Variants in KMT2C observed in about 807,000 individuals in gnomAD.
KMT2C encodes the protein lysine methyltransferase 2C, also known as histone-lysine N-methyltransferase 2C.
KMT2C carries 88 observed loss-of-function variants against 507.9 expected under a neutral mutation model. That is an observed-to-expected ratio of 0.17 (90% CI 0.15 to 0.21). KMT2C has a LOEUF of 0.21. KMT2C is among the 10% of genes least tolerant of loss of function. The pLI, the probability that KMT2C is intolerant of heterozygous loss-of-function variation, is 1.00. For synonymous variants in KMT2C, 2,049 were observed against 2,080.8 expected, an observed-to-expected ratio of 0.98 and a Z score of 0.42; for missense variants, 4,954 against 5,957.8, an observed-to-expected ratio of 0.83 and a Z score of 5.55.
rs1471294132 is a variant in KMT2C at position 152,361,455 on chromosome 7, C to T, written c.162-2780G>A. On this transcript the variant is annotated intron_variant, in intron 1 of 58. Transcript: ENST00000262189. ...GTGGGCGCCTGTAGTCCCAGCTACT[C>T]GGGAGGCTGAGGCAGGAGAATGGCG... is the stretch of plus-strand genomic sequence containing the variant. 2.0e-5 allele frequency among the ~76,000 whole-genome samples: 3 copies of T among 151,662 alleles called. 1 individual carries two copies. The highest frequency in any genetic ancestry group is 7.3e-5 in the African/African-American group (3 of 41,262).
rs2129119493 is a variant in KMT2C, at chr7:152,180,998, T to C, written c.6862A>G (p.Ser2288Gly). The C allele has an allele frequency of 6.2e-7, 1 of 1,614,156 alleles. No homozygotes were observed. Among genetic ancestry groups the C allele is most frequent in the South Asian group, 1.1e-5 (1 of 91,080 alleles). ...CGGGCAGCAGATGGGGAAACACGGC[T>C]AAATGTGTCTGAAAGACCAGGTCCA... ...PPGPGLSDTF[S>G]RVSPSAARDP... is the part of the protein sequence containing the mutation. Residue 2288 changes from serine (S) to glycine (G), a missense_variant, in exon 36 of 59, where the codon AGC (serine) becomes GGC (glycine). By Grantham distance (56) the Ser-to-Gly change is moderately conservative. Transcript: ENST00000262189.
chr7:152,353,107 G>C (rs1233581058), intron 2 of KMT2C, among the ~76,000 whole-genome samples: 1 of 152,144 alleles, frequency 6.6e-6, no homozygotes, highest in Non-Finnish European at 1.5e-5. Flanking sequence ...GCAGAGACTG[G>C]TAACAGCCAC....
At chr7:152,363,405 T>C (rs1215069440) in intron 1 of KMT2C, among the ~76,000 whole-genome samples, 1 of 152,216 alleles carries the variant, frequency 6.6e-6, no homozygotes, top group Admixed American at 6.5e-5. Context: ...TCTCAGAATC[T>C]GAAACCAACT....
rs550644722 is a variant in KMT2C at position 152,287,419 on chromosome 7, C to T, written c.850-13552G>A. On this transcript the variant is annotated intron_variant, in intron 6 of 58. Coordinates refer to ENST00000262189, the MANE Select transcript of KMT2C (RefSeq NM_170606.3). Reference sequence around the variant, plus strand: ...GTGTACGTCTCCATCAATGAGTCAACAAAGGCCTACTAAGGAACTGGAATC... The same window carrying T: ...GTGTACGTCTCCATCAATGAGTCAATAAAGGCCTACTAAGGAACTGGAATC... Among the ~76,000 whole-genome samples, 230 of 152,296 alleles carry T rather than the reference C, an allele frequency of 1.5e-3. 2 individuals carry two copies. The highest frequency in any genetic ancestry group is 2.6e-3 in the Admixed American group (40 of 15,294).
At chr7:152,294,606 T>C (rs1472514756) in intron 6 of KMT2C, among the ~76,000 whole-genome samples, 6 of 150,842 alleles carry the variant, frequency 4.0e-5, no homozygotes, top group African/African-American at 1.2e-4. Flanking sequence ...CACTCCAGCA[T>C]GAGCAACACA....
chr7:152,325,200 G>A (rs1589198114), intron 3 of KMT2C, among the ~76,000 whole-genome samples: 1 of 151,818 alleles, frequency 6.6e-6, no homozygotes, highest in Non-Finnish European at 1.5e-5. Flanking sequence ...CGCCCAGGCT[G>A]GAGTGCAATG....
intron 1 of KMT2C, among the ~76,000 whole-genome samples, chr7:152,361,492 G>C (rs945182310): frequency 1.3e-5 from 2 of 152,236 alleles, no homozygotes; most frequent in Admixed American, 6.5e-5. Flanking sequence ...GAACCCGGGA[G>C]GCAGAGGTTG....
At chr7:152,256,609 G>A (rs2095666091) in intron 9 of KMT2C, among the ~76,000 whole-genome samples, 1 of 152,094 alleles carries the variant, frequency 6.6e-6, no homozygotes, top group African/African-American at 2.4e-5. Flanking sequence ...GAAAGTATCT[G>A]CATCATGTAA....
intron 2 of KMT2C, among the ~76,000 whole-genome samples, chr7:152,347,864 A>G (rs1480794680): frequency 6.6e-6 from 1 of 152,170 alleles, no homozygotes; most frequent in East Asian, 1.9e-4. Flanking sequence ...AATTGTCACG[A>G]ATCTCCACGA....
At chr7:152,140,247 GCT>G (rs1189196417) in intron 55 of KMT2C, among the ~76,000 whole-genome samples, 1 of 152,208 alleles carries the variant, frequency 6.6e-6, no homozygotes, top group Admixed American at 6.5e-5. Context: ...TTCAGACTTG[GCT>G]CTGAGTTTCC....
In KMT2C at chr7:152,156,059, T is replaced by C. The variant is rs895228719; in HGVS notation, c.11813-2A>G. The C allele has an allele frequency of 6.3e-7, 1 of 1,595,592 alleles. No individual in the cohort carries two copies. The highest frequency in any genetic ancestry group is 1.4e-5 in the African/African-American group (1 of 73,586). ...GTTTAGGTCCTAGAGTTTTGGTAACTGGAAAAGCAAAAACACAAAACCATA... is the reference window on the plus strand; with the variant it reads ...GTTTAGGTCCTAGAGTTTTGGTAACCGGAAAAGCAAAAACACAAAACCATA... On this transcript the variant is annotated splice_acceptor_variant, in intron 45 of 58. Coordinates refer to ENST00000262189, the MANE Select transcript of KMT2C (RefSeq NM_170606.3). LOFTEE classifies it high-confidence loss of function.
At chr7:152,246,844 A>C (rs2095481715) in intron 14 of KMT2C, among the ~76,000 whole-genome samples, 1 of 152,172 alleles carries the variant, frequency 6.6e-6, no homozygotes, top group Non-Finnish European at 1.5e-5. Context: ...ATGCAGAAAC[A>C]GCTAAATCCC....
At chr7:152,328,990 C>T (rs528180535) in intron 3 of KMT2C, among the ~76,000 whole-genome samples, 1 of 151,858 alleles carries the variant, frequency 6.6e-6, no homozygotes, top group Admixed American at 6.6e-5. Context: ...CAAATAGAGA[C>T]GTCAAGCAGA....
chr7:152,162,836 T>C lies in KMT2C; in HGVS notation c.10741A>G (p.Ser3581Gly), dbSNP rs1313986920. The C allele has an allele frequency of 6.2e-7, 1 of 1,614,236 alleles. No homozygotes were observed. ...AGCGATTGGGTTGATCCCGGATAAC[T>C]GTGTCCATGGGTTATAGTAGAATCT... is the stretch of plus-strand genomic sequence containing the variant. Reference protein sequence around the residue: ...GQDSTITHGHSYPGSTQSLIQ... With the variant: ...GQDSTITHGHGYPGSTQSLIQ... Residue 3581 changes from serine to glycine, a missense_variant, in exon 43 of 59, where the codon AGT (serine) becomes GGT (glycine). By Grantham distance (56) the Ser-to-Gly change is moderately conservative (BLOSUM62 0). Transcript: ENST00000262189.
intron 58 of KMT2C, chr7:152,137,369 G>A (rs905099116): frequency 7.0e-5 from 12 of 171,052 alleles, no homozygotes; most frequent in African/African-American, 2.4e-4. Flanking sequence ...CCTCACTCAA[G>A]ACTGAAAGGA....
intron 16 of KMT2C, among the ~76,000 whole-genome samples, chr7:152,232,645 A>C (rs1432246590): frequency 2.0e-5 from 3 of 152,204 alleles, no homozygotes; most frequent in Non-Finnish European, 4.4e-5. Context: ...TGATCTACCT[A>C]TAATGCTTTA....
At chr7:152,367,857 C>A in intron 1 of KMT2C, 1 of 1,018,520 alleles carries the variant, frequency 9.8e-7, no homozygotes, top group Non-Finnish European at 1.6e-6. Flanking sequence ...TCCTTCAGGA[C>A]ATGAACTTAA....
chr7:152,352,831 C>T (rs573244591), intron 2 of KMT2C, among the ~76,000 whole-genome samples: 1 of 152,242 alleles, frequency 6.6e-6, no homozygotes, highest in African/African-American at 2.4e-5. Flanking sequence ...CCAAAGAGCA[C>T]AGAGCTCTGA....
intron 12 of KMT2C, among the ~76,000 whole-genome samples, chr7:152,250,384 T>C (rs2095544889): frequency 6.6e-6 from 1 of 152,168 alleles, no homozygotes; most frequent in African/African-American, 2.4e-5. Context: ...TCCCCCAACA[T>C]GGTCTCTTAT....
Sources: gnomAD v4.1 joint callset for allele counts (sites outside exome capture counted in the v4.1 genomes callset) on GRCh38, gnomAD v4.1.1 for gene constraint, MANE v1.5 for transcripts, NCBI Gene and HGNC (gene_info 2026-07-23, HGNC 2026-07-21) for gene names.